The following RBM33 variants were observed in gnomAD, a reference collection of about 807,000 sequenced individuals.
The protein encoded by RBM33 is RNA-binding protein 33.
A neutral mutation model predicts 132.6 loss-of-function variants in RBM33; 28 were observed. The ratio of observed to expected loss-of-function variants is 0.21; its 90% CI spans 0.16 to 0.29. The LOEUF is 0.29. Ranked by LOEUF, RBM33 falls within the 10% of genes least tolerant of loss-of-function variation. RBM33 has a pLI of 1.00. For missense variants in RBM33, 1,291 were observed against 1,518.5 expected (o/e 0.85, Z 2.49); for synonymous variants, 634 against 593.0 (o/e 1.07, Z -1.01).
chr7:155,731,536 A>G (rs1009952188), intron 9 of RBM33, among the ~76,000 whole-genome samples: 5 of 152,204 alleles, frequency 3.3e-5, no homozygotes, highest in African/African-American at 4.8e-5. Context: ...ACGTTGACCA[A>G]GTGACTAATG....
chr7:155,740,392 T>C (rs1801292457), intron 12 of RBM33, among the ~76,000 whole-genome samples: 1 of 152,240 alleles, frequency 6.6e-6, no homozygotes, highest in South Asian at 2.1e-4. Context: ...TTTTGATGTA[T>C]AGATTATCTC....
chr7:155,773,497 GGT>G (rs1395471882), intron 16 of RBM33, among the ~76,000 whole-genome samples: 1 of 150,346 alleles, frequency 6.7e-6, no homozygotes, highest in African/African-American at 2.5e-5. Flanking sequence ...GAACCCAGGA[GGT>G]GGAGGTTGCA....
chr7:155,703,601 C>T (rs570099075), intron 6 of RBM33, among the ~76,000 whole-genome samples: 2 of 152,208 alleles, frequency 1.3e-5, no homozygotes, highest in South Asian at 2.1e-4. Context: ...TAGGATTTTT[C>T]CCAACACAAA....
intron 16 of RBM33, among the ~76,000 whole-genome samples, chr7:155,768,919 G>T (rs1802314960): frequency 6.6e-6 from 1 of 152,166 alleles, no homozygotes; most frequent in Non-Finnish European, 1.5e-5. Context: ...GGCTGTCACT[G>T]CATGTTAACT....
intron 5 of RBM33, among the ~76,000 whole-genome samples, chr7:155,697,976 A>G (rs1204606182): frequency 6.6e-6 from 1 of 152,230 alleles, no homozygotes; most frequent in Non-Finnish European, 1.5e-5. Context: ...ATGTTTACAC[A>G]ACATAATCTT....
At chr7:155,749,311 A>G (rs1047037739) in intron 14 of RBM33, among the ~76,000 whole-genome samples, 2 of 152,130 alleles carry the variant, frequency 1.3e-5, no homozygotes, top group Non-Finnish European at 2.9e-5. Flanking sequence ...GCTATTATTT[A>G]TTGAGTGTTT....
intron 6 of RBM33, among the ~76,000 whole-genome samples, chr7:155,705,481 G>A (rs754141475): frequency 3.9e-5 from 6 of 152,194 alleles, no homozygotes; most frequent in Non-Finnish European, 7.4e-5. Flanking sequence ...TTGAAGGAGA[G>A]AGGGGTACCA....
At chr7:155,718,008 A>G (rs1360068662) in intron 8 of RBM33, among the ~76,000 whole-genome samples, 1 of 152,160 alleles carries the variant, frequency 6.6e-6, no homozygotes, top group East Asian at 1.9e-4. Context: ...AAATGTGTAT[A>G]TGAGTGGCAT....
At chr7:155,767,004 TTTTAA>T (rs1201637342) in intron 16 of RBM33, 75 of 260,118 alleles carry the variant, frequency 2.9e-4, no homozygotes, top group African/African-American at 1.7e-3. Context: ...TAACATTACA[TTTTAA>T]AGTATTTAGC....
intron 5 of RBM33, among the ~76,000 whole-genome samples, chr7:155,683,281 T>C (rs1379419193): frequency 1.3e-5 from 2 of 152,234 alleles, no homozygotes; most frequent in Admixed American, 6.5e-5. Context: ...AATGGGAGCC[T>C]CTCTCTGTCT....
chr7:155,741,117 T>C (rs1469690288), intron 12 of RBM33, among the ~76,000 whole-genome samples: 2 of 152,178 alleles, frequency 1.3e-5, no homozygotes, highest in African/African-American at 4.8e-5. Flanking sequence ...AAGAGGGTGC[T>C]TTATAACCTG....
intron 9 of RBM33, among the ~76,000 whole-genome samples, chr7:155,719,294 A>G (rs556156870): frequency 6.6e-6 from 1 of 152,306 alleles, no homozygotes; most frequent in South Asian, 2.1e-4. Flanking sequence ...TTCAGGGAGT[A>G]TCTAAATGGC....
At chr7:155,701,018 CA>C in intron 6 of RBM33, 74 bp downstream of exon 6, 2 of 1,303,976 alleles carry the variant, frequency 1.5e-6, no homozygotes, top group East Asian at 4.9e-5. Flanking sequence ...TGTAATTAAT[CA>C]AAGTAGGCAA....
At chr7:155,685,475 G>C (rs755652243) in intron 5 of RBM33, among the ~76,000 whole-genome samples, 3 of 152,172 alleles carry the variant, frequency 2.0e-5, no homozygotes, top group Non-Finnish European at 4.4e-5. Context: ...GGAAATTGGA[G>C]TCTAATATAG....
At chr7:155,667,295 AC>A (rs1365984608) in intron 2 of RBM33, among the ~76,000 whole-genome samples, 4 of 152,120 alleles carry the variant, frequency 2.6e-5, no homozygotes, top group African/African-American at 9.7e-5. Flanking sequence ...TTTCTCTGTC[AC>A]GCAGGTGGAG....
At chr7:155,725,709 A>G (rs894414718) in intron 9 of RBM33, among the ~76,000 whole-genome samples, 3 of 152,212 alleles carry the variant, frequency 2.0e-5, no homozygotes, top group Admixed American at 2.0e-4. Context: ...AGGTTCATCA[A>G]AACACCATTT....
chr7:155,706,771 A>G (rs1800126610), intron 6 of RBM33, 89 bp from the exon 7 acceptor site: 3 of 1,099,490 alleles, frequency 2.7e-6, no homozygotes, highest in Non-Finnish European at 3.9e-6. Context: ...GCAGAGTTTC[A>G]TTGTCACATC....
chr7:155,750,950 T>G (rs1801670589), intron 14 of RBM33, among the ~76,000 whole-genome samples: 1 of 152,164 alleles, frequency 6.6e-6, no homozygotes, highest in South Asian at 2.1e-4. Flanking sequence ...TGCTCTTGTA[T>G]TTTATTTTTA....
chr7:155,650,570 G>A (rs1032377891), intron 1 of RBM33, among the ~76,000 whole-genome samples: 2 of 152,126 alleles, frequency 1.3e-5, no homozygotes, highest in African/African-American at 4.8e-5. Context: ...GTATTTGTGT[G>A]TACATTTGTG....
Sources: gnomAD v4.1 joint callset for allele counts (sites outside exome capture counted in the v4.1 genomes callset) on GRCh38, gnomAD v4.1.1 for gene constraint, MANE v1.5 for transcripts, NCBI Gene and HGNC (gene_info 2026-07-23, HGNC 2026-07-21) for gene names.